LRRTM3: variants seen among roughly 807,000 people sequenced by gnomAD.
The protein encoded by LRRTM3 is leucine-rich repeat transmembrane neuronal protein 3.
Under a neutral mutation model 44.7 loss-of-function variants are expected in LRRTM3, and 24 were observed. The ratio of observed to expected loss-of-function variants is 0.54; its 90% CI spans 0.39 to 0.76. LRRTM3 has a LOEUF of 0.76. Ranked by LOEUF, LRRTM3 falls within the 30% of genes least tolerant of loss-of-function variation. The probability of loss-of-function intolerance (pLI) is 0.00; values close to 1 mark genes in which losing one functional copy is unlikely to be tolerated. For missense variants in LRRTM3, 587 were observed against 702.2 expected (o/e 0.84, Z 1.85); for synonymous variants, 277 against 278.7 (o/e 0.99, Z 0.06).
intron 2 of LRRTM3, among the ~76,000 whole-genome samples, chr10:66,980,898 T>C (rs932905812): frequency 3.9e-5 from 6 of 152,266 alleles, no homozygotes; most frequent in East Asian, 3.9e-4. Context: ...TTTTTCTTTT[T>C]CTTTCTTTTT....
intron 2 of LRRTM3, among the ~76,000 whole-genome samples, chr10:66,932,125 C>T (rs1847434624): frequency 6.6e-6 from 1 of 152,134 alleles, no homozygotes; most frequent in South Asian, 2.1e-4. Flanking sequence ...CCCTTTTCAG[C>T]CAGCTGAACA....
chr10:66,967,107 G>A lies in LRRTM3; in HGVS notation c.1536+38655G>A, dbSNP rs985517252. On this transcript the variant is annotated intron_variant, in intron 2 of 2. Transcript: ENST00000361320. ...TTATTAACACTCCATTAGGAACGTTGATGGTTCTGCTAATGAAACAATGGT... is the reference window on the plus strand; with the variant it reads ...TTATTAACACTCCATTAGGAACGTTAATGGTTCTGCTAATGAAACAATGGT... 3.3e-5 allele frequency among the ~76,000 whole-genome samples: 5 copies of A among 152,140 alleles called. No individual in the cohort carries two copies. In the East Asian group the frequency reaches 9.7e-4, roughly 29 times the overall value.
At chr10:67,022,179 C>G (rs1289851974) in intron 2 of LRRTM3, among the ~76,000 whole-genome samples, 2 of 152,022 alleles carry the variant, frequency 1.3e-5, no homozygotes, top group Non-Finnish European at 2.9e-5. Context: ...GAGAAGACAA[C>G]TTTGGAAAGA....
At chr10:67,086,727 C>A (rs775702441) in intron 2 of LRRTM3, among the ~76,000 whole-genome samples, 1 of 151,878 alleles carries the variant, frequency 6.6e-6, no homozygotes, top group Admixed American at 6.6e-5. Flanking sequence ...CTCTGTGAGA[C>A]CAAAATACCC....
chr10:67,079,750 A>G (rs994318402), intron 2 of LRRTM3, among the ~76,000 whole-genome samples: 1 of 152,006 alleles, frequency 6.6e-6, no homozygotes, highest in African/African-American at 2.4e-5. Flanking sequence ...CAGGAGGCTG[A>G]GGCAGGAGAA....
At chr10:66,979,198 C>G (rs1850266278) in intron 2 of LRRTM3, among the ~76,000 whole-genome samples, 2 of 151,942 alleles carry the variant, frequency 1.3e-5, no homozygotes, top group Admixed American at 1.3e-4. Flanking sequence ...AGACTCCTGA[C>G]CTCTAGCGAT....
chr10:67,024,890 G>T (rs1369033769), intron 2 of LRRTM3, among the ~76,000 whole-genome samples: 2 of 152,006 alleles, frequency 1.3e-5, no homozygotes, highest in African/African-American at 4.8e-5. Context: ...TAGCACTTTA[G>T]GGGGCCAAGG....
intron 2 of LRRTM3, chr10:67,015,394 A>G (rs1852594804): frequency 6.6e-6 from 1 of 152,138 alleles, no homozygotes. Flanking sequence ...TATATTGTCT[A>G]AGTTTTGTTT....
chr10:67,001,303 AAAAAAAAAAG>A (rs1473010996), intron 2 of LRRTM3, among the ~76,000 whole-genome samples: 4 of 151,094 alleles, frequency 2.6e-5, no homozygotes, highest in Admixed American at 2.6e-4. Context: ...CTGTCTAAAA[AAAAAAAAAAG>A]AAAAAAAAAG....
intron 2 of LRRTM3, among the ~76,000 whole-genome samples, chr10:66,978,248 A>G (rs1359593248): frequency 6.6e-6 from 1 of 151,948 alleles, no homozygotes; most frequent in East Asian, 1.9e-4. Flanking sequence ...ATTGTGGGCC[A>G]AGTGCACTGG....
intron 2 of LRRTM3, among the ~76,000 whole-genome samples, chr10:67,025,255 C>T (rs1853296128): frequency 6.6e-6 from 1 of 151,504 alleles, no homozygotes; most frequent in African/African-American, 2.4e-5. Context: ...AAGACTCATT[C>T]AGTTAACTAA....
chr10:66,938,596 T>A (rs1293449311), intron 2 of LRRTM3, among the ~76,000 whole-genome samples: 1 of 152,154 alleles, frequency 6.6e-6, no homozygotes, highest in Non-Finnish European at 1.5e-5. Flanking sequence ...TGTCTCAGGG[T>A]GGCAGAGTCG....
At chr10:67,048,486 T>C (rs1229365622) in intron 2 of LRRTM3, among the ~76,000 whole-genome samples, 1 of 152,042 alleles carries the variant, frequency 6.6e-6, no homozygotes, top group African/African-American at 2.4e-5. Flanking sequence ...ATATGCAAAA[T>C]AGGAATACAG....
chr10:67,031,192 T>C (rs561164501), intron 2 of LRRTM3, among the ~76,000 whole-genome samples: 3 of 152,306 alleles, frequency 2.0e-5, no homozygotes, highest in East Asian at 3.9e-4. Flanking sequence ...CTCTGATTTA[T>C]ATAAATTGAT....
chr10:66,972,502 C>A (rs1428264696), intron 2 of LRRTM3, among the ~76,000 whole-genome samples: 2 of 151,924 alleles, frequency 1.3e-5, no homozygotes, highest in Non-Finnish European at 2.9e-5. Flanking sequence ...CTTACTTCTG[C>A]ATAAATGGTA....
intron 2 of LRRTM3, among the ~76,000 whole-genome samples, chr10:66,977,484 G>A (rs962617137): frequency 6.6e-6 from 1 of 151,764 alleles, no homozygotes; most frequent in Non-Finnish European, 1.5e-5. Context: ...CTCAGCCTAA[G>A]CTTAGCAATA....
At chr10:67,001,464 G>A (rs1851688399) in intron 2 of LRRTM3, among the ~76,000 whole-genome samples, 1 of 151,772 alleles carries the variant, frequency 6.6e-6, no homozygotes, top group African/African-American at 2.4e-5. Flanking sequence ...GGGACAGAAG[G>A]ATGGGGAAAT....
Position 67,035,273 on chromosome 10 carries a change from C to T in LRRTM3, c.1537-62314C>T, listed in dbSNP as rs542502639. ...AAAACTATGATTTAAAAATATGCTG[C>T]AAGTCACTAGATTTCTTAAGAATTG... is the stretch of plus-strand genomic sequence containing the variant. On this transcript the variant is annotated intron_variant, in intron 2 of 2. Transcript: ENST00000361320. Among the ~76,000 whole-genome samples, 4 of 152,250 alleles carry T rather than the reference C, an allele frequency of 2.6e-5. No individual in the cohort carries two copies. The East Asian group carries it at 5.8e-4, about 22-fold the overall frequency.
intron 2 of LRRTM3, among the ~76,000 whole-genome samples, chr10:66,946,541 A>G (rs1848284896): frequency 1.3e-5 from 2 of 152,118 alleles, no homozygotes; most frequent in Admixed American, 1.3e-4. Flanking sequence ...AGTTCTTCCA[A>G]TCACTATTCC....
Sources: gnomAD v4.1 joint callset for allele counts (sites outside exome capture counted in the v4.1 genomes callset) on GRCh38, gnomAD v4.1.1 for gene constraint, MANE v1.5 for transcripts, NCBI Gene and HGNC (gene_info 2026-07-23, HGNC 2026-07-21) for gene names.